Variants in RGS6 observed in about 807,000 individuals in gnomAD.
RGS6 encodes the protein regulator of G-protein signaling 6.
A neutral mutation model predicts 78.5 loss-of-function variants in RGS6; 30 were observed. The observed-to-expected ratio is 0.38, with a 90% CI of 0.29 to 0.52. The LOEUF (loss-of-function observed/expected upper bound fraction) is 0.52. RGS6 is among the 20% of genes least tolerant of loss of function. The pLI is 0.85. For missense variants in RGS6, 495 were observed against 609.7 expected (o/e 0.81, Z 1.98); for synonymous variants, 206 against 206.0 (o/e 1.00, Z 0.00).
At chr14:72,606,201 C>A in the RGS6 span, among the ~76,000 whole-genome samples, 1 of 152,142 alleles carries the variant, frequency 6.6e-6, no homozygotes, top group African/African-American at 2.4e-5. Context: ...CCAGACACCC[C>A]AGAAGGCCCC....
At chr14:72,005,804 C>T (rs2084437283) in intron 2 of RGS6, among the ~76,000 whole-genome samples, 1 of 151,796 alleles carries the variant, frequency 6.6e-6, no homozygotes, top group Non-Finnish European at 1.5e-5. Flanking sequence ...TATGCTTTAC[C>T]TAATTAGGAC....
At chr14:72,158,871 G>C (rs1332588591) in intron 2 of RGS6, among the ~76,000 whole-genome samples, 1 of 145,746 alleles carries the variant, frequency 6.9e-6, no homozygotes, top group Non-Finnish European at 1.5e-5. Flanking sequence ...AGAGCTTTCT[G>C]CCTGGGTTGA....
At position 72,043,684 on chromosome 14, in the gene RGS6, A is replaced by G. The variant is rs10144433; in HGVS notation, c.84+78809A>G. Among the ~76,000 whole-genome samples, 3 of 152,292 alleles carry G rather than the reference A, an allele frequency of 2.0e-5. No individual in the cohort carries two copies. In the South Asian group the frequency reaches 6.2e-4, roughly 32 times the overall value. On this transcript the variant is annotated intron_variant, in intron 2 of 17. Transcript: ENST00000553525. Reference sequence around the variant, plus strand: ...TTGACTTTGGCTTTCAGCAGTATAAATATGATAGCCCAGGTGTAGGTATTT... The same window carrying G: ...TTGACTTTGGCTTTCAGCAGTATAAGTATGATAGCCCAGGTGTAGGTATTT...
chr14:72,445,002 CA>C (rs565822327), intron 3 of RGS6, among the ~76,000 whole-genome samples: 1 of 152,200 alleles, frequency 6.6e-6, no homozygotes, highest in Admixed American at 6.5e-5. Flanking sequence ...GAGGACAGGC[CA>C]AAAAGGTGGG....
intron 17 of RGS6, among the ~76,000 whole-genome samples, chr14:72,555,034 G>A (rs2097551956): frequency 6.6e-6 from 1 of 152,238 alleles, no homozygotes; most frequent in Non-Finnish European, 1.5e-5. Context: ...GGTCAGAGAT[G>A]CCAGGAACAC....
chr14:72,611,621 C>A, the RGS6 span, among the ~76,000 whole-genome samples: 1 of 152,158 alleles, frequency 6.6e-6, no homozygotes, highest in African/African-American at 2.4e-5. Flanking sequence ...TGCCTTCCAC[C>A]CCAGAAACCC....
the RGS6 span, among the ~76,000 whole-genome samples, chr14:71,878,404 C>T: frequency 7.2e-5 from 11 of 152,220 alleles, no homozygotes; most frequent in African/African-American, 2.4e-4. Flanking sequence ...CCTAGCCTTG[C>T]TGCTGCCGCC....
At chr14:72,508,507 G>A (rs1172921357) in intron 13 of RGS6, among the ~76,000 whole-genome samples, 1 of 149,262 alleles carries the variant, frequency 6.7e-6, no homozygotes, top group African/African-American at 2.5e-5. Flanking sequence ...AATTACACTG[G>A]ACAGCGCCAG....
the RGS6 span, among the ~76,000 whole-genome samples, chr14:72,624,795 A>T: frequency 6.6e-6 from 1 of 152,256 alleles, no homozygotes; most frequent in African/African-American, 2.4e-5. Flanking sequence ...GTGATTTTGT[A>T]AATGTCACTC....
rs565333501 is a variant in RGS6, at chr14:72,109,069, T to A, written c.84+144194T>A. ...TTCTATTGTTTTTATGTAATTTTTT[T>A]TAAAAAACTTGCTTTGTAAATTTTT... On this transcript the variant is annotated intron_variant, in intron 2 of 17. Coordinates refer to ENST00000553525, the MANE Select transcript of RGS6 (RefSeq NM_001204424.2). Among the ~76,000 whole-genome samples the A allele has an allele frequency of 1.5e-4, 23 of 152,244 alleles. 1 individual carries two copies. Among genetic ancestry groups the A allele is most frequent in the East Asian group, 7.7e-4 (4 of 5,186 alleles).
the RGS6 span, among the ~76,000 whole-genome samples, chr14:72,580,538 C>T: frequency 5.3e-5 from 8 of 152,132 alleles, no homozygotes; most frequent in African/African-American, 1.9e-4. Flanking sequence ...GTTTTCACTG[C>T]AGTCACAGAG....
chr14:72,176,052 T>C (rs929037632), intron 2 of RGS6, among the ~76,000 whole-genome samples: 23 of 152,178 alleles, frequency 1.5e-4, no homozygotes, highest in African/African-American at 5.3e-4. Context: ...AGTTCTCCAT[T>C]GAAAACAAAG....
At chr14:72,321,782 C>G (rs547589073) in intron 2 of RGS6, among the ~76,000 whole-genome samples, 1 of 152,068 alleles carries the variant, frequency 6.6e-6, no homozygotes, top group East Asian at 1.9e-4. Context: ...CAAAAGATGA[C>G]ATAGATGGCC....
chr14:72,376,575 C>T (rs2084781058), intron 3 of RGS6, among the ~76,000 whole-genome samples: 1 of 152,112 alleles, frequency 6.6e-6, no homozygotes, highest in African/African-American at 2.4e-5. Flanking sequence ...AGACAAACAG[C>T]AAAAGAAAAG....
chr14:71,944,855 C>G (rs889122479), intron 1 of RGS6, among the ~76,000 whole-genome samples: 1 of 152,118 alleles, frequency 6.6e-6, no homozygotes, highest in Non-Finnish European at 1.5e-5. Flanking sequence ...GATGGTATAG[C>G]CTACTGTACA....
intron 3 of RGS6, among the ~76,000 whole-genome samples, chr14:72,361,869 G>A (rs1370209505): frequency 6.6e-6 from 1 of 152,140 alleles, no homozygotes; most frequent in Non-Finnish European, 1.5e-5. Flanking sequence ...TCTGAAAGCA[G>A]CAGTTAGTAG....
chr14:71,884,897 G>A, the RGS6 span, among the ~76,000 whole-genome samples: 7 of 152,032 alleles, frequency 4.6e-5, no homozygotes, highest in Non-Finnish European at 8.8e-5. Context: ...CGTTCCCTGT[G>A]GTATAAGGGC....
At chr14:72,401,437 G>C (rs890253566) in intron 3 of RGS6, among the ~76,000 whole-genome samples, 1 of 151,782 alleles carries the variant, frequency 6.6e-6, no homozygotes, top group South Asian at 2.1e-4. Context: ...ATTTGTGAGG[G>C]CATCACAGCC....
chr14:72,176,167 T>C (rs1292724902), intron 2 of RGS6, among the ~76,000 whole-genome samples: 1 of 152,218 alleles, frequency 6.6e-6, no homozygotes, highest in Non-Finnish European at 1.5e-5. Flanking sequence ...TGGGGTTTCA[T>C]AACAGTGATG....
Sources: allele counts gnomAD v4.1 joint callset (sites outside exome capture counted in the v4.1 genomes callset), GRCh38; gene constraint gnomAD v4.1.1; transcripts MANE v1.5; gene names NCBI Gene and HGNC (gene_info 2026-07-23, HGNC 2026-07-21).